The following SPNS3 variants were observed in gnomAD, a reference collection of about 807,000 sequenced individuals.
SPNS3 encodes SPNS lysolipid transporter 3, sphingosine-1-phosphate (putative).
A neutral mutation model predicts 54.4 loss-of-function variants in SPNS3; 51 were observed. The ratio of observed to expected loss-of-function variants is 0.94; its 90% CI spans 0.75 to 1.18. The LOEUF is 1.18. SPNS3 is among the 50% of genes most tolerant of loss of function. The probability of loss-of-function intolerance (pLI) is 0.00; values close to 1 mark genes in which losing one functional copy is unlikely to be tolerated. For synonymous variants in SPNS3, 309 were observed against 294.7 expected (o/e 1.05, Z -0.50); for missense variants, 669 against 677.4 (o/e 0.99, Z 0.14).
rs1259322809 is a variant in SPNS3 at position 4,446,911 on chromosome 17, G to A, written c.570G>A (p.Val190=). ...TTTGTTGCAGTGGTCTGGGCTACGT[G>A]CTGGGGTCGGCTGTGACGATGCTGA... The part of the protein sequence containing the change: ...FIPVGSGLGY[V]LGSAVTMLTG... Residue 190 remains valine, a synonymous_variant, in exon 5 of 12, where the codon GTG becomes GTA. Coordinates refer to ENST00000355530, the MANE Select transcript of SPNS3 (RefSeq NM_182538.5). 1.2e-6 allele frequency: 2 copies of A among 1,614,126 alleles called. No homozygotes were observed. Among genetic ancestry groups the A allele is most frequent in the East Asian group, 2.2e-5 (1 of 44,880 alleles).
In SPNS3 at chr17:4,450,354, C is replaced by T. The variant is rs67657670; in HGVS notation, c.923+967C>T. On this transcript the variant is annotated intron_variant, in intron 7 of 11. Coordinates refer to ENST00000355530, the MANE Select transcript of SPNS3 (RefSeq NM_182538.5). ...CTCCCTCTCCCTCTCCCTCTCCCCT[C>T]CTCTCTCTCTCTCTCCCTACCCCTC... 7.0e-4 allele frequency among the ~76,000 whole-genome samples: 85 copies of T among 122,268 alleles called. 1 individual carries two copies. Among genetic ancestry groups the T allele is most frequent in the African/African-American group, 1.5e-3 (47 of 30,682 alleles). 80.2% of individuals were successfully genotyped at this position (122,268 alleles called of 152,430 possible).
rs765098023 is a variant in SPNS3, at chr17:4,486,463, C to T, written c.1330C>T (p.Arg444Cys). Reference protein sequence around the residue: ...RRPDSYLQRFRSLQQSFLCCA... With the variant: ...RRPDSYLQRFCSLQQSFLCCA... ...CCCTGACTCCTATCTGCAGCGCTTC[C>T]GCAGCCTGCAGCAGAGCTTCCTGTG... The change falls in exon 11 of 12, where the codon CGC becomes TGC. Residue 444 changes from arginine (R) to cysteine (C), a missense_variant. Transcript: ENST00000355530. The surrounding 1 kb of genome is among the most constrained non-coding windows in gnomAD (Gnocchi z 5.5). The T allele has an allele frequency of 2.4e-5, 39 of 1,612,942 alleles. No homozygotes were observed. The highest frequency in any genetic ancestry group is 6.7e-5 in the East Asian group (3 of 44,888).
intron 5 of SPNS3, 33 bp downstream of exon 5, chr17:4,446,995 T>C (rs1387006690): frequency 3.1e-6 from 5 of 1,612,086 alleles, no homozygotes; most frequent in Non-Finnish European, 4.2e-6. Flanking sequence ...CCCTCTGCTT[T>C]CCCTCTGGAC....
At chr17:4,458,083 T>TG (rs1474894107) in intron 8 of SPNS3, among the ~76,000 whole-genome samples, 1 of 151,512 alleles carries the variant, frequency 6.6e-6, no homozygotes, top group African/African-American at 2.4e-5. Flanking sequence ...CAGGCTCCAG[T>TG]TCTTCCTTCC....
chr17:4,439,127 T>C (rs1042248024), intron 1 of SPNS3, among the ~76,000 whole-genome samples: 1 of 150,774 alleles, frequency 6.6e-6, no homozygotes, highest in Non-Finnish European at 1.5e-5. Context: ...TTTCTTTTTC[T>C]TTCTTTTTTT....
Position 4,436,478 on chromosome 17 carries a change from G to GGAGGCTGAAGCAGGAGGATTGCTT in SPNS3, c.199+2348_199+2371dup, listed in dbSNP as rs1180235379. On this transcript the variant is annotated intron_variant, in intron 1 of 11. Transcript: ENST00000355530. The stretch of plus-strand genomic sequence containing the variant: ...GGACAGTGATGTCTTCAGCCTCTCG[G>GGAGGCTGAAGCAGGAGGATTGCTT]GAGGCTGAAGCAGGAGGATTGCTTG... 1.7e-3 allele frequency among the ~76,000 whole-genome samples: 261 copies of GGAGGCTGAAGCAGGAGGATTGCTT among 151,520 alleles called. 4 individuals carry two copies. Among genetic ancestry groups the GGAGGCTGAAGCAGGAGGATTGCTT allele is most frequent in the African/African-American group, 5.0e-3 (206 of 41,018 alleles).
At chr17:4,457,080 A>G (rs914279001) in intron 8 of SPNS3, among the ~76,000 whole-genome samples, 2 of 152,176 alleles carry the variant, frequency 1.3e-5, no homozygotes, top group Non-Finnish European at 2.9e-5. Flanking sequence ...GAATCAGGTA[A>G]ATAGTGGGAC....
chr17:4,485,529 C>G (rs1647085204), intron 9 of SPNS3, among the ~76,000 whole-genome samples: 1 of 152,062 alleles, frequency 6.6e-6, no homozygotes, highest in Non-Finnish European at 1.5e-5. Context: ...TCCCGAGTAG[C>G]TGGGATTACA....
chr17:4,465,576 A>C (rs1179006895), intron 8 of SPNS3, among the ~76,000 whole-genome samples: 1 of 152,110 alleles, frequency 6.6e-6, no homozygotes, highest in East Asian at 1.9e-4. Context: ...AAAATACAAA[A>C]ATTAGCCTGG....
At chr17:4,463,945 C>T (rs576331315) in intron 8 of SPNS3, among the ~76,000 whole-genome samples, 5 of 152,290 alleles carry the variant, frequency 3.3e-5, no homozygotes, top group Non-Finnish European at 5.9e-5. Flanking sequence ...CTGCGTGGGA[C>T]GTGCCTGTGT....
intron 8 of SPNS3, among the ~76,000 whole-genome samples, chr17:4,458,621 C>CTTTCTTTCT (rs1555530835): frequency 0.017 from 1,904 of 115,054 alleles, 56 homozygotes; most frequent in Admixed American, 0.024. Context: ...TTCTTTCTTT[C>CTTTCTTTCT]TTTCTTTCTT....
At position 4,446,216 on chromosome 17, in the gene SPNS3, G is replaced by A. The variant is rs769098129; in HGVS notation, c.554+17G>A. 2 of 1,597,224 alleles carry A rather than the reference G, an allele frequency of 1.3e-6. No homozygotes were observed. The highest frequency in any genetic ancestry group is 1.7e-6 in the Non-Finnish European group (2 of 1,167,490). On this transcript the variant is annotated intron_variant, in intron 4 of 11. Transcript: ENST00000355530. ...CGTTGGAAGGTTGGTATCACCCGTG[G>A]GTCTACTTCCCCAGGTGGTAAACTG...
At position 4,453,071 on chromosome 17, in the gene SPNS3, G is replaced by A. The variant is rs199590628; in HGVS notation, c.979G>A (p.Ala327Thr). Residue 327 changes from alanine (A) to threonine (T), a missense_variant, in exon 8 of 12, where the codon GCA becomes ACA. Physicochemically the swap from Ala to Thr is moderately conservative, Grantham distance 58 (BLOSUM62 0). Transcript: ENST00000355530. ...MTGVIGVILG[A>T]EAARRYKKVI... The stretch of plus-strand genomic sequence containing the variant: ...CGGCGTCATTGGGGTCATCTTGGGG[G>A]CAGAAGCTGCGAGGAGGTACAAGAA... 77 of 1,613,970 alleles carry A rather than the reference G, an allele frequency of 4.8e-5. No homozygotes were observed. Among genetic ancestry groups the A allele is most frequent in the East Asian group, 1.1e-4 (5 of 44,880 alleles).
intron 7 of SPNS3, among the ~76,000 whole-genome samples, chr17:4,449,886 G>A (rs560050205): frequency 7.7e-4 from 117 of 152,226 alleles, no homozygotes; most frequent in African/African-American, 2.7e-3. Context: ...CTCAGGGCAC[G>A]CCCTCTCCCG....
intron 8 of SPNS3, among the ~76,000 whole-genome samples, chr17:4,457,263 ATGCCTGTAGTCCCAGCTAC>A (rs1181321334): frequency 1.3e-5 from 2 of 152,202 alleles, no homozygotes; most frequent in African/African-American, 4.8e-5. Flanking sequence ...ATGGTGGCAC[ATGCCTGTAGTCCCAGCTAC>A]TGGGGAGGCT....
chr17:4,447,862 C>T (rs926507235), intron 5 of SPNS3, among the ~76,000 whole-genome samples: 9 of 152,102 alleles, frequency 5.9e-5, no homozygotes, highest in Non-Finnish European at 1.3e-4. Context: ...TGTTCTCAAC[C>T]GTCTCAGGCC....
chr17:4,486,286 A>G lies in SPNS3; in HGVS notation c.1238A>G (p.His413Arg). 2 of 1,593,950 alleles carry G rather than the reference A, an allele frequency of 1.3e-6. No individual in the cohort carries two copies. The highest frequency in any genetic ancestry group is 1.7e-6 in the Non-Finnish European group (2 of 1,172,574). ...TAEALQITVGHILGDAGSPYL... is the reference protein window; with the variant it reads ...TAEALQITVGRILGDAGSPYL... ...GAGGCACTTCAGATCACGGTGGGCC[A>G]CATCCTGGGAGACGCTGGCAGCCCC... is the stretch of plus-strand genomic sequence containing the variant. Residue 413 changes from histidine (H) to arginine (R), a missense_variant, in exon 10 of 12, where the codon CAC (histidine) becomes CGC (arginine). His to Arg is a conservative substitution (Grantham distance 29). Transcript: ENST00000355530. This position sits in a 1 kb window ranked among gnomAD's most constrained non-coding sequence, Gnocchi z 5.5.
intron 2 of SPNS3, among the ~76,000 whole-genome samples, chr17:4,441,412 CATGGCTTTAG>C (rs1047070862): frequency 6.6e-6 from 1 of 152,114 alleles, no homozygotes; most frequent in African/African-American, 2.4e-5. Flanking sequence ...GTTAGAAGAT[CATGGCTTTAG>C]AACATGCATG....
chr17:4,446,280 G>A, intron 4 of SPNS3, 81 bp downstream of exon 4: 1 of 1,477,772 alleles, frequency 6.8e-7, no homozygotes, highest in Non-Finnish European at 9.2e-7. Flanking sequence ...GACCTGGGTA[G>A]GAGAGGTCAA....
Sources: allele counts gnomAD v4.1 joint callset (sites outside exome capture counted in the v4.1 genomes callset), GRCh38; gene constraint gnomAD v4.1.1; non-coding constraint Gnocchi (gnomAD v3.1); transcripts MANE v1.5; gene names NCBI Gene and HGNC (gene_info 2026-07-23, HGNC 2026-07-21).